EDDM13: variants seen among roughly 807,000 people sequenced by gnomAD.
The protein encoded by EDDM13 is epididymal protein 13.
In EDDM13, 24 loss-of-function variants were observed where a neutral mutation model predicts 17.8. The ratio of observed to expected loss-of-function variants is 1.35; its 90% CI spans 0.98 to 1.90. The LOEUF (loss-of-function observed/expected upper bound fraction) is 1.90. EDDM13 is among the 40% of genes most tolerant of loss of function. EDDM13 has a pLI of 0.00. For synonymous variants in EDDM13, 31 were observed against 37.5 expected (o/e 0.83, Z 0.63); for missense variants, 97 against 100.8 (o/e 0.96, Z 0.16).
intron 13 of EDDM13, among the ~76,000 whole-genome samples, chr19:56,302,607 CTCTCCCTCT>C (rs2040400862): frequency 9.4e-6 from 1 of 105,828 alleles, no homozygotes; most frequent in Non-Finnish European, 1.9e-5. Context: ...CCTCTTCTTC[CTCTCCCTCT>C]TCCTCCCTCC....
intron 14 of EDDM13, 88 bp from the exon 15 acceptor site, chr19:56,310,036 G>A (rs1000329835): frequency 6.6e-6 from 1 of 152,398 alleles, no homozygotes; most frequent in Non-Finnish European, 1.5e-5. Flanking sequence ...GCCCTGTAGA[G>A]GTGGATGGAG....
intron 6 of EDDM13, among the ~76,000 whole-genome samples, chr19:56,286,108 G>A (rs957916187): frequency 9.2e-5 from 14 of 152,152 alleles, no homozygotes; most frequent in South Asian, 2.1e-4. Flanking sequence ...TGCAACCTCC[G>A]CCTCCCGGGT....
intron 3 of EDDM13, 124 bp from the exon 4 acceptor site, chr19:56,282,367 T>C (rs767138081): frequency 8.5e-5 from 34 of 400,596 alleles, no homozygotes; most frequent in African/African-American, 1.1e-4. Context: ...TCAGGACCTA[T>C]GGGGTGCAAT....
chr19:56,292,720 AT>A (rs1177822767), intron 9 of EDDM13, among the ~76,000 whole-genome samples: 1 of 151,958 alleles, frequency 6.6e-6, no homozygotes, highest in African/African-American at 2.4e-5. Context: ...GTCAGTCCCC[AT>A]TCTCCCTCTG....
At chr19:56,303,347 G>A (rs1273074300) in intron 13 of EDDM13, among the ~76,000 whole-genome samples, 9 of 151,874 alleles carry the variant, frequency 5.9e-5, no homozygotes, top group African/African-American at 9.7e-5. Flanking sequence ...GCATGGTGGC[G>A]CATGCCTGTA....
chr19:56,307,361 G>A (rs1381867305), intron 14 of EDDM13, among the ~76,000 whole-genome samples: 1 of 152,122 alleles, frequency 6.6e-6, no homozygotes, highest in Non-Finnish European at 1.5e-5. Context: ...CAACTATGAT[G>A]AGTGTCTTTC....
chr19:56,287,002 G>A (rs2039175915), intron 6 of EDDM13, among the ~76,000 whole-genome samples: 1 of 152,226 alleles, frequency 6.6e-6, no homozygotes, highest in Admixed American at 6.5e-5. Flanking sequence ...GTGAGATTAT[G>A]ATAAAATGCC....
chr19:56,278,038 G>C (rs758066640), intron 2 of EDDM13, among the ~76,000 whole-genome samples: 1 of 151,604 alleles, frequency 6.6e-6, no homozygotes, highest in Non-Finnish European at 1.5e-5. Flanking sequence ...AAATCTCTTT[G>C]ATGTCTAGTT....
intron 2 of EDDM13, 35 bp from the exon 3 acceptor site, chr19:56,281,658 G>T: frequency 1.0e-6 from 1 of 983,958 alleles, no homozygotes; most frequent in Non-Finnish European, 1.2e-6. Flanking sequence ...TTTCCATGTT[G>T]ATTCACTGGC....
rs759605115 is a variant in EDDM13, at chr19:56,296,371, G to C, written c.268+9G>C. 6 of 152,206 alleles carry C rather than the reference G, an allele frequency of 3.9e-5. No individual in the cohort carries two copies. The highest frequency in any genetic ancestry group is 8.8e-5 in the Non-Finnish European group (6 of 68,060). The allele number at this position is 152,206 out of a possible 1,614,324, so 9.4% of individuals were successfully genotyped here. On this transcript the variant is annotated intron_variant, in intron 11 of 14. Transcript: ENST00000649256. Reference sequence around the variant, plus strand: ...CCTCCAAGTACTGCATGGTAAGTCTGGTGACTGCTATTTCGTGTTCACTCC... The same window carrying C: ...CCTCCAAGTACTGCATGGTAAGTCTCGTGACTGCTATTTCGTGTTCACTCC...
intron 13 of EDDM13, among the ~76,000 whole-genome samples, chr19:56,304,174 G>T (rs2040529175): frequency 6.6e-6 from 1 of 152,190 alleles, no homozygotes. Context: ...CTGAGAGGAG[G>T]CCCGACCAGC....
intron 11 of EDDM13, among the ~76,000 whole-genome samples, 163 bp from the exon 12 acceptor site, chr19:56,297,342 T>G (rs913257744): frequency 6.6e-6 from 1 of 152,014 alleles, no homozygotes; most frequent in Non-Finnish European, 1.5e-5. Flanking sequence ...GTTTCTTTTC[T>G]TTTCCTTTCT....
At chr19:56,273,742 C>T (rs1177632632) in intron 1 of EDDM13, among the ~76,000 whole-genome samples, 9 of 152,022 alleles carry the variant, frequency 5.9e-5, no homozygotes, top group African/African-American at 1.9e-4. Context: ...TAAGAAGAGA[C>T]AGGAGGCAGG....
Position 56,284,378 on chromosome 19 carries a change from G to A in EDDM13, c.127+172G>A, listed in dbSNP as rs147769438. Among the ~76,000 whole-genome samples the A allele has an allele frequency of 1.2e-3, 184 of 152,226 alleles. 1 individual carries two copies. Among genetic ancestry groups the A allele is most frequent in the African/African-American group, 4.1e-3 (172 of 41,540 alleles). Reference sequence around the variant, plus strand: ...GCAAGAATTTCTGAGTATCTAGTCTGTGCCTGGACTCATGCTTGGGTGATG... The same window carrying A: ...GCAAGAATTTCTGAGTATCTAGTCTATGCCTGGACTCATGCTTGGGTGATG... On this transcript the variant is annotated intron_variant, in intron 5 of 14. Coordinates refer to ENST00000649256, the MANE Select transcript of EDDM13 (RefSeq NM_001354658.2).
chr19:56,295,519 C>G (rs934602267), intron 9 of EDDM13, among the ~76,000 whole-genome samples: 1 of 151,992 alleles, frequency 6.6e-6, no homozygotes, highest in African/African-American at 2.4e-5. Flanking sequence ...CGCTTGAACC[C>G]GGGAGGCAGA....
intron 2 of EDDM13, 83 bp from the exon 3 acceptor site, chr19:56,281,610 G>A (rs2038712741): frequency 1.4e-6 from 1 of 698,572 alleles, no homozygotes; most frequent in African/African-American, 1.9e-5. Context: ...TAACAGAGAT[G>A]GATGATGTTA....
intron 9 of EDDM13, among the ~76,000 whole-genome samples, chr19:56,292,226 C>G (rs2039556995): frequency 6.6e-6 from 1 of 152,196 alleles, no homozygotes; most frequent in African/African-American, 2.4e-5. Flanking sequence ...TAACATACAT[C>G]TTTTAAAAAG....
intron 14 of EDDM13, among the ~76,000 whole-genome samples, chr19:56,306,365 T>C (rs2040689791): frequency 9.0e-6 from 1 of 110,946 alleles, no homozygotes; most frequent in Non-Finnish European, 2.0e-5. Context: ...AAGAGGCTCC[T>C]CCCTGGCCTC....
At chr19:56,287,999 T>C (rs1001263011) in intron 6 of EDDM13, among the ~76,000 whole-genome samples, 4 of 152,178 alleles carry the variant, frequency 2.6e-5, no homozygotes, top group African/African-American at 4.8e-5. Context: ...CGTGGGTCTC[T>C]CATTTATGAT....
Sources: allele counts gnomAD v4.1 joint callset (sites outside exome capture counted in the v4.1 genomes callset), GRCh38; gene constraint gnomAD v4.1.1; transcripts MANE v1.5; gene names NCBI Gene and HGNC (gene_info 2026-07-23, HGNC 2026-07-21).